PCDH11X: variants seen among roughly 807,000 people sequenced by gnomAD.
The protein encoded by PCDH11X is protocadherin 11 X-linked, also known as protocadherin-11 X-linked.
In PCDH11X, 18 loss-of-function variants were observed where a neutral mutation model predicts 53.3. The ratio of observed to expected loss-of-function variants is 0.34; its 90% CI spans 0.23 to 0.50. The LOEUF is 0.50. PCDH11X is among the 20% of genes least tolerant of loss of function. The probability of loss-of-function intolerance (pLI) is 0.98; values close to 1 mark genes in which losing one functional copy is unlikely to be tolerated. For synonymous variants in PCDH11X, 279 were observed against 393.3 expected (o/e 0.71, Z 3.44); for missense variants, 570 against 1,032.4 (o/e 0.55, Z 6.14).
chrX:92,092,889 G>A (rs2148121388), intron 6 of PCDH11X, among the ~76,000 whole-genome samples: 1 of 111,546 alleles, frequency 9.0e-6, no homozygotes, highest in South Asian at 3.8e-4. Flanking sequence ...GGTAGGAGGT[G>A]ATTGGATGAT....
At chrX:91,780,185 C>A (rs5984815) in intron 1 of PCDH11X, among the ~76,000 whole-genome samples, 23,191 of 110,639 alleles carry the variant, frequency 0.21, 3,064 homozygotes, top group African/African-American at 0.48. Flanking sequence ...TCTGGGGGCT[C>A]GGGTTTGGAT....
chrX:92,166,677 C>T (rs372051246), intron 6 of PCDH11X, among the ~76,000 whole-genome samples: 1,272 of 109,957 alleles, frequency 0.012, 18 homozygotes, highest in African/African-American at 0.04. Context: ...GCAGGAGAAT[C>T]GCTTGAGCCC....
intron 7 of PCDH11X, among the ~76,000 whole-genome samples, chrX:92,230,412 A>G (rs2148368511): frequency 1.3e-5 from 1 of 75,989 alleles, no homozygotes; most frequent in South Asian, 6.5e-4. Flanking sequence ...GTCTATGAAT[A>G]TATATATAAT....
chrX:92,241,680 T>C (rs1200092514), intron 7 of PCDH11X, among the ~76,000 whole-genome samples: 2 of 111,954 alleles, frequency 1.8e-5, no homozygotes, highest in Non-Finnish European at 3.8e-5. Context: ...TTACAGCCAA[T>C]ATATTATGCC....
At chrX:92,049,457 A>G (rs1195995205) in intron 6 of PCDH11X, among the ~76,000 whole-genome samples, 4 of 110,580 alleles carry the variant, frequency 3.6e-5, no homozygotes, top group African/African-American at 1.3e-4. Context: ...AGATAAAAAA[A>G]AAACCAGAGC....
intron 9 of PCDH11X, among the ~76,000 whole-genome samples, chrX:92,409,820 A>T (rs1351835555): frequency 8.9e-6 from 1 of 111,885 alleles, no homozygotes; most frequent in Non-Finnish European, 1.9e-5. Flanking sequence ...GCTTGTGCTT[A>T]TTCTGTTTCA....
At chrX:92,473,720 A>G (rs2073317214) in intron 10 of PCDH11X, among the ~76,000 whole-genome samples, 1 of 110,907 alleles carries the variant, frequency 9.0e-6, no homozygotes, top group Admixed American at 9.6e-5. Flanking sequence ...ATCATTCAGC[A>G]GCATATTGTT....
chrX:92,476,086 C>A (rs898905895), intron 10 of PCDH11X, among the ~76,000 whole-genome samples: 5 of 111,220 alleles, frequency 4.5e-5, no homozygotes, highest in African/African-American at 1.6e-4. Flanking sequence ...GGGCTTTTCC[C>A]ATGCTGTTCT....
intron 5 of PCDH11X, among the ~76,000 whole-genome samples, chrX:91,847,330 G>C (rs978471497): frequency 1.8e-5 from 2 of 110,507 alleles, no homozygotes; most frequent in African/African-American, 6.6e-5. Flanking sequence ...CAGGCCCAAC[G>C]TTTTTTGTAC....
At chrX:91,969,250 G>A (rs1249640088) in intron 6 of PCDH11X, among the ~76,000 whole-genome samples, 1 of 110,218 alleles carries the variant, frequency 9.1e-6, no homozygotes, top group African/African-American at 3.3e-5. Context: ...GCTTGACTCT[G>A]GAGAATACTT....
chrX:91,818,369 A>C (rs188823673), intron 4 of PCDH11X, among the ~76,000 whole-genome samples: 1 of 103,094 alleles, frequency 9.7e-6, no homozygotes, highest in African/African-American at 4.4e-5. Flanking sequence ...ATGCATGAAG[A>C]ATTTTTTTTT....
Position 92,273,746 on chromosome X carries a change from T to C in PCDH11X, c.3144+10603T>C, listed in dbSNP as rs749973035. 2.7e-4 allele frequency among the ~76,000 whole-genome samples: 30 copies of C among 110,878 alleles called. No individual in the cohort carries two copies. In the South Asian group the frequency reaches 0.011, roughly 41 times the overall value. ...AAACACATTTGTCGTGTAGAATTAT[T>C]GGTGATGGCCTGGATACGGTTTTGT... On this transcript the variant is annotated intron_variant, in intron 8 of 10. Transcript: ENST00000682573.
At chrX:91,823,770 C>T (rs767164599) in intron 4 of PCDH11X, among the ~76,000 whole-genome samples, 45 of 111,156 alleles carry the variant, frequency 4.0e-4, no homozygotes, top group African/African-American at 1.3e-3. Flanking sequence ...TTTCTAGTCT[C>T]GATAGTCTTT....
intron 7 of PCDH11X, among the ~76,000 whole-genome samples, chrX:92,229,788 T>C (rs192043953): frequency 5.4e-5 from 6 of 111,409 alleles, no homozygotes; most frequent in African/African-American, 2.0e-4. Context: ...GAAAGTAAAT[T>C]TATTTACTTC....
intron 8 of PCDH11X, among the ~76,000 whole-genome samples, chrX:92,277,288 A>AT (rs771143786): frequency 9.0e-6 from 1 of 111,435 alleles, no homozygotes; most frequent in Non-Finnish European, 1.9e-5. Flanking sequence ...CCATTTGCCT[A>AT]TTTTAAAACA....
chrX:92,539,904 C>T (rs1036165651), intron 10 of PCDH11X, among the ~76,000 whole-genome samples: 10 of 111,087 alleles, frequency 9.0e-5, no homozygotes, highest in Non-Finnish European at 1.9e-4. Flanking sequence ...TACCTTCTCC[C>T]AAACAGTGCC....
chrX:92,288,077 T>G (rs1343596111), intron 8 of PCDH11X: 1 of 491,691 alleles, frequency 2.0e-6, no homozygotes, highest in Non-Finnish European at 3.6e-6. Flanking sequence ...AAGCCTCTTT[T>G]CTTTATAAAC....
chrX:92,540,043 C>T (rs761726053), intron 10 of PCDH11X, among the ~76,000 whole-genome samples: 25 of 110,632 alleles, frequency 2.3e-4, no homozygotes, highest in African/African-American at 8.2e-4. Context: ...AAAGTCCTAC[C>T]GTAACCACTA....
chrX:91,990,819 G>A (rs1156737483), intron 6 of PCDH11X, among the ~76,000 whole-genome samples: 2 of 105,047 alleles, frequency 1.9e-5, no homozygotes, highest in South Asian at 4.5e-4. Context: ...TACTCACTGC[G>A]TGGCCTCCCT....
Sources: gnomAD v4.1 joint callset for allele counts (sites outside exome capture counted in the v4.1 genomes callset) on GRCh38, gnomAD v4.1.1 for gene constraint, MANE v1.5 for transcripts, NCBI Gene and HGNC (gene_info 2026-07-23, HGNC 2026-07-21) for gene names.